IRS4: variants seen among roughly 807,000 people sequenced by gnomAD.
IRS4 encodes insulin receptor substrate 4.
IRS4 carries 15 observed loss-of-function variants against 48.6 expected under a neutral mutation model. The observed-to-expected ratio is 0.31, with a 90% CI of 0.21 to 0.48. IRS4 has a LOEUF of 0.48. IRS4 is among the 20% of genes least tolerant of loss of function. IRS4 has a pLI of 0.99. For synonymous variants in IRS4, 459 were observed against 413.2 expected (o/e 1.11, Z -1.34); for missense variants, 987 against 1,023.4 (o/e 0.96, Z 0.49).
In IRS4 at chrX:108,734,507, C is replaced by A; in HGVS notation, c.1838G>T (p.Arg613Ile). 8.3e-7 allele frequency: 1 copy of A among 1,211,511 alleles called. No individual in the cohort carries two copies. The highest frequency in any genetic ancestry group is 1.1e-6 in the Non-Finnish European group (1 of 895,470). Residue 613 changes from arginine to isoleucine, a missense_variant, in exon 1 of 2, where the codon AGA (arginine) becomes ATA (isoleucine). Physicochemically the swap from Arg to Ile is moderately conservative, Grantham distance 97. Around this residue, in one of 4 missense-constraint regions of IRS4, gnomAD observed 720 missense variants for 660.3 expected, o/e 1.09. Coordinates refer to ENST00000372129, the MANE Select transcript of IRS4 (RefSeq NM_001379150.1). ...TTGAGTTAATTTGCCAAAATAGGAT[C>A]TTTTCTTCAGAGATTTTCCACGTTC... is the stretch of plus-strand genomic sequence containing the variant. Reference protein sequence around the residue: ...DGERGKSLKKRSYFGKLTQSK... With the variant: ...DGERGKSLKKISYFGKLTQSK...
chrX:108,720,688 G>A lies in IRS4; in HGVS notation c.*1831C>T, dbSNP rs1020892618. The A allele has an allele frequency of 2.4e-4, 27 of 111,403 alleles. No individual in the cohort carries two copies. The highest frequency in any genetic ancestry group is 5.9e-4 in the African/African-American group (18 of 30,696). The allele number at this position is 111,403 out of a possible 1,213,427, so 9.2% of individuals were successfully genotyped here. On this transcript the variant is annotated 3_prime_UTR_variant, in exon 2 of 2. Coordinates refer to ENST00000372129, the MANE Select transcript of IRS4 (RefSeq NM_001379150.1). The stretch of plus-strand genomic sequence containing the variant: ...CTTGAAAAAAAGTTGCCTAAAGAGC[G>A]CGTTGTTATAATGAACAAAAGCCAC...
At position 108,722,509 on chromosome X, in the gene IRS4, G is replaced by A. The variant is rs1287413661; in HGVS notation, c.*10C>T. ...CTTTTCTTCTAAAATGTGTTTTTGT[G>A]GCAATATAATCACTCTAGGAAAAAG... is the stretch of plus-strand genomic sequence containing the variant. On this transcript the variant is annotated 3_prime_UTR_variant, in exon 2 of 2. Coordinates refer to ENST00000372129, the MANE Select transcript of IRS4 (RefSeq NM_001379150.1). 1 of 324,523 alleles carries A rather than the reference G, an allele frequency of 3.1e-6. No individual in the cohort carries two copies. The highest frequency in any genetic ancestry group is 2.7e-5 in the African/African-American group (1 of 37,557). The allele number at this position is 324,523 out of a possible 1,213,427, so 26.7% of individuals were successfully genotyped here. A position where few individuals can be genotyped will look rare whatever the true frequency, so the allele number is the denominator to read the frequency against.
chrX:108,731,280 C>G (rs907300238), intron 1 of IRS4, among the ~76,000 whole-genome samples: 1 of 110,753 alleles, frequency 9.0e-6, no homozygotes, highest in African/African-American at 3.3e-5. Flanking sequence ...TGATCAGTGC[C>G]CGACTTGTTC....
intron 1 of IRS4, among the ~76,000 whole-genome samples, chrX:108,730,298 ACACCACCACCACCAC>A (rs1177982399): frequency 1.0e-4 from 11 of 105,786 alleles, no homozygotes; most frequent in Non-Finnish European, 1.9e-4. Context: ...ACCACCATCA[ACACCACCACCACCAC>A]CACCACCACC....
chrX:108,733,523 A>T lies in IRS4; in HGVS notation c.2822T>A (p.Leu941Gln), dbSNP rs2068921909. Residue 941 changes from leucine to glutamine, a missense_variant, in exon 1 of 2, where the codon CTA becomes CAA. By Grantham distance (113) the Leu-to-Gln change is moderately radical. Coordinates refer to ENST00000372129, the MANE Select transcript of IRS4 (RefSeq NM_001379150.1). Reference sequence around the variant, plus strand: ...AGCAATTATGCCCCACGAATCTGGTAGTCCTTGAGTAGAGGGAGCTGGTGT... The same window carrying T: ...AGCAATTATGCCCCACGAATCTGGTTGTCCTTGAGTAGAGGGAGCTGGTGT... ...SNTPAPSTQG[L>Q]PDSWGIIAEP... 8.3e-7 allele frequency: 1 copy of T among 1,212,111 alleles called. No homozygotes were observed. Among genetic ancestry groups the T allele is most frequent in the African/African-American group, 1.7e-5 (1 of 57,931 alleles).
chrX:108,733,649 T>C lies in IRS4; in HGVS notation c.2696A>G (p.Tyr899Cys), dbSNP rs1013575034. Residue 899 changes from tyrosine to cysteine, a missense_variant, in exon 1 of 2, where the codon TAT becomes TGT. Tyr to Cys is a radical substitution (Grantham distance 194). This residue lies in a region of IRS4 where 720 missense variants were observed against 660.3 expected (regional missense o/e 1.09). Transcript: ENST00000372129. The stretch of plus-strand genomic sequence containing the variant: ...CTTTTGTGGTTTTGGCTTGATTTTA[T>C]ATCCTTTTGTAATAAAAGAAAGTCG... Reference protein sequence around the residue: ...PNRLSFITKGYKIKPKPQKPT... With the variant: ...PNRLSFITKGCKIKPKPQKPT... The C allele has an allele frequency of 8.3e-7, 1 of 1,211,845 alleles. No homozygotes were observed. Among genetic ancestry groups the C allele is most frequent in the Admixed American group, 2.2e-5 (1 of 46,059 alleles).
In IRS4 at chrX:108,735,130, A is replaced by C; in HGVS notation, c.1215T>G (p.Pro405=). Residue 405 remains proline, a synonymous_variant, in exon 1 of 2, where the codon CCT becomes CCG. Transcript: ENST00000372129. ...FTRRFVTPSE[P]VAHSRRGRLH... The stretch of plus-strand genomic sequence containing the variant: ...GTCTTCCTCGCCTGGAGTGGGCCAC[A>C]GGCTCGCTGGGTGTTACGAAGCGCC... The C allele has an allele frequency of 8.3e-7, 1 of 1,211,516 alleles. No homozygotes were observed. The highest frequency in any genetic ancestry group is 1.1e-6 in the Non-Finnish European group (1 of 895,512).
intron 1 of IRS4, among the ~76,000 whole-genome samples, chrX:108,731,259 GGTGACTGTT>G (rs1385712893): frequency 2.7e-5 from 3 of 110,933 alleles, no homozygotes; most frequent in Non-Finnish European, 3.8e-5. Context: ...GAGCTTGTTA[GGTGACTGTT>G]GTGATCAGTG....
At position 108,732,945 on chromosome X, in the gene IRS4, C is replaced by A. The variant is rs1306037203; in HGVS notation, c.3400G>T (p.Val1134Leu). 4 of 1,193,203 alleles carry A rather than the reference C, an allele frequency of 3.4e-6. No homozygotes were observed. The highest frequency in any genetic ancestry group is 4.7e-4 in the Middle Eastern group (2 of 4,263). ...AEPTLALSQV[V>L]AAASALAAAP... ...GCGGCGAGCGCGGAGGCCGCAGCTA[C>A]AACTTGGCTGAGGGCTAAAGTCGGC... The change falls in exon 1 of 2, where the codon GTA becomes TTA. Residue 1134 changes from valine (V) to leucine (L), a missense_variant. Val to Leu is a conservative substitution (Grantham distance 32). Transcript: ENST00000372129.
chrX:108,722,226 A>G lies in IRS4; in HGVS notation c.*293T>C, dbSNP rs990025287. 1.4e-5 allele frequency: 2 copies of G among 140,462 alleles called. No homozygotes were observed. The highest frequency in any genetic ancestry group is 6.2e-5 in the African/African-American group (2 of 32,107). 11.6% of individuals were successfully genotyped at this position (140,462 alleles called of 1,213,427 possible). On this transcript the variant is annotated 3_prime_UTR_variant, in exon 2 of 2. Coordinates refer to ENST00000372129, the MANE Select transcript of IRS4 (RefSeq NM_001379150.1). ...GTTATGAGATGCTCACTTGTATAGTATCTGTTTCCTTTCAAAGGGACAGAC... is the reference window on the plus strand; with the variant it reads ...GTTATGAGATGCTCACTTGTATAGTGTCTGTTTCCTTTCAAAGGGACAGAC...
Position 108,732,598 on chromosome X carries a change from C to G in IRS4, c.3747G>C (p.Gln1249His), listed in dbSNP as rs1490932911. Reference sequence around the variant, plus strand: ...ACCGACCTCTTTTGGGAGAGTCGAACTGATTATCACGTCTGGCAAAATCCA... The same window carrying G: ...ACCGACCTCTTTTGGGAGAGTCGAAGTGATTATCACGTCTGGCAAAATCCA... ...VRMDFARRDN[Q>H]FDSPKRE The change falls in exon 1 of 2, where the codon CAG (glutamine) becomes CAC (histidine). Residue 1249 changes from glutamine (Q) to histidine (H), a missense_variant. Transcript: ENST00000372129. 2.5e-6 allele frequency: 3 copies of G among 1,211,412 alleles called. No individual in the cohort carries two copies. Among genetic ancestry groups the G allele is most frequent in the Non-Finnish European group, 3.4e-6 (3 of 895,237 alleles).
At chrX:108,724,838 C>T (rs2068867778) in intron 1 of IRS4, 1 of 111,178 alleles carries the variant, frequency 9.0e-6, no homozygotes, top group South Asian at 3.8e-4. Flanking sequence ...TTCTTATTTT[C>T]CCAATTAATC....
chrX:108,734,510 T>C lies in IRS4; in HGVS notation c.1835A>G (p.Lys612Arg). The C allele has an allele frequency of 8.3e-7, 1 of 1,211,500 alleles. No individual in the cohort carries two copies. The highest frequency in any genetic ancestry group is 1.1e-6 in the Non-Finnish European group (1 of 895,463). ...GDGERGKSLK[K>R]RSYFGKLTQS... The stretch of plus-strand genomic sequence containing the variant: ...AGTTAATTTGCCAAAATAGGATCTT[T>C]TCTTCAGAGATTTTCCACGTTCACC... The change falls in exon 1 of 2, where the codon AAA becomes AGA. Residue 612 changes from lysine to arginine, a missense_variant. Transcript: ENST00000372129.
At position 108,733,059 on chromosome X, in the gene IRS4, C is replaced by G. The variant is rs763753087; in HGVS notation, c.3286G>C (p.Ala1096Pro). The change falls in exon 1 of 2, where the codon GCC becomes CCC. Residue 1096 changes from alanine to proline, a missense_variant. Physicochemically the swap from Ala to Pro is conservative, Grantham distance 27. This residue lies in a region of IRS4 where 720 missense variants were observed against 660.3 expected (regional missense o/e 1.09). Coordinates refer to ENST00000372129, the MANE Select transcript of IRS4 (RefSeq NM_001379150.1). ...GGAAAAGCAGAGACAGCGGCTCTGG[C>G]TGCTGCAAAGAAACTTTGAGAACGG... ...QSRSQSFFAA[A>P]RAAVSAFPTD... 2 of 1,211,785 alleles carry G rather than the reference C, an allele frequency of 1.7e-6. No individual in the cohort carries two copies. Among genetic ancestry groups the G allele is most frequent in the Non-Finnish European group, 2.2e-6 (2 of 895,429 alleles).
intron 1 of IRS4, 46 bp downstream of exon 1, chrX:108,732,533 G>C: frequency 8.3e-7 from 1 of 1,209,836 alleles, no homozygotes; most frequent in Non-Finnish European, 1.1e-6. Flanking sequence ...CGAATCATTA[G>C]ACAATGACCA....
At chrX:108,728,156 A>G (rs770483791) in intron 1 of IRS4, among the ~76,000 whole-genome samples, 2 of 111,868 alleles carry the variant, frequency 1.8e-5, no homozygotes, top group East Asian at 5.6e-4. Flanking sequence ...AGATACATAC[A>G]CTATTTGTGT....
At position 108,732,909 on chromosome X, in the gene IRS4, T is replaced by C; in HGVS notation, c.3436A>G (p.Ile1146Val). 1 of 1,171,421 alleles carries C rather than the reference T, an allele frequency of 8.5e-7. No homozygotes were observed. The highest frequency in any genetic ancestry group is 3.0e-5 in the East Asian group (1 of 33,345). Reference sequence around the variant, plus strand: ...CCAGCAGCTGCGGCTGCTGCGCCGATGCCCGGGGCTGCGGCGAGCGCGGAG... The same window carrying C: ...CCAGCAGCTGCGGCTGCTGCGCCGACGCCCGGGGCTGCGGCGAGCGCGGAG... ...AASALAAAPG[I>V]GAAAAAAGFD... is the part of the protein sequence containing the mutation. The change falls in exon 1 of 2, where the codon ATC becomes GTC. Residue 1146 changes from isoleucine (I) to valine (V), a missense_variant. Physicochemically the swap from Ile to Val is conservative, Grantham distance 29 (BLOSUM62 3). This residue lies in a region of IRS4 where 720 missense variants were observed against 660.3 expected (regional missense o/e 1.09). Transcript: ENST00000372129.
intron 1 of IRS4, among the ~76,000 whole-genome samples, chrX:108,729,400 T>TA (rs942491658): frequency 1.8e-5 from 2 of 109,873 alleles, no homozygotes; most frequent in Non-Finnish European, 1.9e-5. Flanking sequence ...ATCTCTTGAA[T>TA]AAAAAAACCA....
intron 1 of IRS4, chrX:108,725,849 T>C (rs898679025): frequency 3.6e-5 from 4 of 112,391 alleles, no homozygotes; most frequent in Admixed American, 9.4e-5. Context: ...TGTATGACAC[T>C]TGTAAACCCC....
Sources: allele counts gnomAD v4.1 joint callset (sites outside exome capture counted in the v4.1 genomes callset), GRCh38; gene constraint gnomAD v4.1.1; regional missense constraint gnomAD v4.1.1; transcripts MANE v1.5; gene names NCBI Gene and HGNC (gene_info 2026-07-23, HGNC 2026-07-21).